Variants in REDIC1 observed in about 807,000 individuals in gnomAD.
REDIC1 encodes the protein HEI10 Interacting Protein 1.
the REDIC1 span, among the ~76,000 whole-genome samples, chr12:39,676,883 T>G: frequency 6.6e-6 from 1 of 152,108 alleles, no homozygotes; most frequent in Admixed American, 6.5e-5. Context: ...TAAAGTATTT[T>G]TCAGACAAAC....
chr12:39,729,075 GTCTA>G, the REDIC1 span, among the ~76,000 whole-genome samples: 4 of 151,894 alleles, frequency 2.6e-5, no homozygotes, highest in Admixed American at 6.6e-5. Flanking sequence ...CTGGCTAGTG[GTCTA>G]TCTATTTTGT....
At chr12:39,768,041 T>C in the REDIC1 span, among the ~76,000 whole-genome samples, 8 of 152,070 alleles carry the variant, frequency 5.3e-5, no homozygotes, top group Non-Finnish European at 1.0e-4. Context: ...TTAGTTATCT[T>C]AGGTAGATGT....
the REDIC1 span, among the ~76,000 whole-genome samples, chr12:39,797,647 GTCA>G: frequency 6.6e-6 from 1 of 151,816 alleles, no homozygotes; most frequent in Non-Finnish European, 1.5e-5. Context: ...AGCAGATAAT[GTCA>G]TCATATTCCA....
At chr12:39,760,126 C>A in the REDIC1 span, 1 of 1,613,006 alleles carries the variant, frequency 6.2e-7, no homozygotes, top group Non-Finnish European at 8.5e-7. Flanking sequence ...TGAAGTGCCA[C>A]ATGTACATAG....
chr12:39,889,995 G>T, the REDIC1 span, among the ~76,000 whole-genome samples: 13 of 151,950 alleles, frequency 8.6e-5, no homozygotes, highest in Admixed American at 7.9e-4. Flanking sequence ...CTTCTACATA[G>T]TAGTCTTAAG....
At chr12:39,691,740 A>G in the REDIC1 span, among the ~76,000 whole-genome samples, 3 of 152,178 alleles carry the variant, frequency 2.0e-5, no homozygotes, top group Non-Finnish European at 4.4e-5. Context: ...CAAATTTCCA[A>G]ATTGCCTTAA....
At chr12:39,698,353 T>G in the REDIC1 span, among the ~76,000 whole-genome samples, 1 of 152,114 alleles carries the variant, frequency 6.6e-6, no homozygotes, top group Non-Finnish European at 1.5e-5. Flanking sequence ...AAGCAAATAT[T>G]ATTAGAGTGA....
At chr12:39,737,670 T>G in the REDIC1 span, among the ~76,000 whole-genome samples, 18 of 152,336 alleles carry the variant, frequency 1.2e-4, no homozygotes, top group South Asian at 2.1e-4. Flanking sequence ...GTACAGTCAA[T>G]AGTGGAGACA....
the REDIC1 span, among the ~76,000 whole-genome samples, chr12:39,821,093 C>T: frequency 6.6e-6 from 1 of 152,062 alleles, no homozygotes; most frequent in East Asian, 1.9e-4. Flanking sequence ...ATTATTTGTT[C>T]AATGGTTTTC....
At chr12:39,729,299 AC>A in the REDIC1 span, among the ~76,000 whole-genome samples, 448 of 152,124 alleles carry the variant, frequency 2.9e-3, 1 homozygote, top group Non-Finnish European at 5.7e-3. Context: ...GGCATTTAGT[AC>A]TATAAATTTC....
the REDIC1 span, among the ~76,000 whole-genome samples, chr12:39,718,058 A>G: frequency 6.6e-6 from 1 of 152,090 alleles, no homozygotes; most frequent in Non-Finnish European, 1.5e-5. Flanking sequence ...AACATCTACA[A>G]CAGTTTTCTT....
the REDIC1 span, among the ~76,000 whole-genome samples, chr12:39,760,436 T>C: frequency 2.0e-5 from 3 of 152,074 alleles, no homozygotes; most frequent in Non-Finnish European, 4.4e-5. Flanking sequence ...TATGATGTAA[T>C]GTATCTTTCT....
At chr12:39,817,637 CAGT>C in the REDIC1 span, among the ~76,000 whole-genome samples, 2 of 152,146 alleles carry the variant, frequency 1.3e-5, no homozygotes, top group Non-Finnish European at 2.9e-5. Context: ...TAGCTGTACA[CAGT>C]AGATCATAAA....
chr12:39,643,377 G>A, the REDIC1 span, among the ~76,000 whole-genome samples: 1 of 151,370 alleles, frequency 6.6e-6, no homozygotes, highest in African/African-American at 2.4e-5. Flanking sequence ...ACTTTTAATG[G>A]CACTCAGCTG....
the REDIC1 span, among the ~76,000 whole-genome samples, chr12:39,864,160 G>A: frequency 2.0e-5 from 3 of 152,070 alleles, no homozygotes; most frequent in East Asian, 1.9e-4. Flanking sequence ...TCTACTTTTC[G>A]ATCTATTTAT....
At chr12:39,754,320 G>A in the REDIC1 span, 2 of 152,094 alleles carry the variant, frequency 1.3e-5, no homozygotes, top group South Asian at 2.1e-4. Context: ...CTATTCAGGT[G>A]TCCGTTATTC....
At chr12:39,818,593 C>G in the REDIC1 span, among the ~76,000 whole-genome samples, 487 of 152,244 alleles carry the variant, frequency 3.2e-3, 1 homozygote, top group African/African-American at 0.011. Context: ...CAGCATGTAT[C>G]TCTGCTTTGT....
the REDIC1 span, among the ~76,000 whole-genome samples, chr12:39,695,468 T>C: frequency 6.6e-6 from 1 of 152,144 alleles, no homozygotes; most frequent in Non-Finnish European, 1.5e-5. Flanking sequence ...CTGGCAGTAC[T>C]CCCTGTAGGC....
chr12:39,838,582 C>T, the REDIC1 span, among the ~76,000 whole-genome samples: 1 of 148,580 alleles, frequency 6.7e-6, no homozygotes, highest in East Asian at 2.0e-4. Flanking sequence ...ATATTTAGAA[C>T]AAAACTGGCT....
Sources: gnomAD v4.1 joint callset for allele counts (sites outside exome capture counted in the v4.1 genomes callset) on GRCh38, gnomAD v4.1.1 for gene constraint, MANE v1.5 for transcripts, NCBI Gene and HGNC (gene_info 2026-07-23, HGNC 2026-07-21) for gene names.